FAM120B: variants seen among roughly 807,000 people sequenced by gnomAD.
FAM120B encodes the protein family with sequence similarity 120 member B.
FAM120B carries 83 observed loss-of-function variants against 96.3 expected under a neutral mutation model. The observed-to-expected ratio is 0.86, with a 90% CI of 0.72 to 1.03. The LOEUF (loss-of-function observed/expected upper bound fraction) is 1.03. Ranked by LOEUF, FAM120B falls within the 50% of genes least tolerant of loss-of-function variation. FAM120B has a pLI of 0.00. For missense variants in FAM120B, 1,027 were observed against 1,121.2 expected (o/e 0.92, Z 1.20); for synonymous variants, 407 against 402.7 (o/e 1.01, Z -0.13).
intron 2 of FAM120B, among the ~76,000 whole-genome samples, chr6:170,320,539 A>C (rs1785217612): frequency 6.6e-6 from 1 of 152,208 alleles, no homozygotes; most frequent in South Asian, 2.1e-4. Context: ...GTGGAGGTGA[A>C]GTTCCTCCTT....
chr6:170,383,379 C>G (rs1790023650), intron 6 of FAM120B, among the ~76,000 whole-genome samples: 1 of 152,180 alleles, frequency 6.6e-6, no homozygotes, highest in Admixed American at 6.5e-5. Flanking sequence ...AGACAACCTA[C>G]TGCCAGGGAG....
At chr6:170,351,895 A>T (rs1419371939) in intron 5 of FAM120B, among the ~76,000 whole-genome samples, 1 of 152,216 alleles carries the variant, frequency 6.6e-6, no homozygotes, top group East Asian at 1.9e-4. Context: ...CCTGCAAAAT[A>T]ACCAACTAGC....
chr6:170,363,157 T>C lies in FAM120B; in HGVS notation c.2283+4839T>C, dbSNP rs1443122302. ...TCCAGCCCGCTCTCCAGGTGGAGGC[T>C]CTGACTGTTAGGGAATTCTGGCTCC... On this transcript the variant is annotated intron_variant, in intron 6 of 10. Coordinates refer to ENST00000476287, the MANE Select transcript of FAM120B (RefSeq NM_032448.3). This position sits in a 1 kb window ranked among gnomAD's most constrained non-coding sequence, Gnocchi z 4.5. Among the ~76,000 whole-genome samples the C allele has an allele frequency of 6.6e-6, 1 of 152,138 alleles. No homozygotes were observed. The highest frequency in any genetic ancestry group is 6.5e-5 in the Admixed American group (1 of 15,274).
At chr6:170,379,875 G>T (rs374554372) in intron 6 of FAM120B, among the ~76,000 whole-genome samples, 2 of 152,144 alleles carry the variant, frequency 1.3e-5, no homozygotes, top group African/African-American at 2.4e-5. Flanking sequence ...AGCACCTAAA[G>T]TCTACCCTCT....
intron 4 of FAM120B, among the ~76,000 whole-genome samples, chr6:170,338,702 TC>T (rs1465312003): frequency 6.6e-6 from 1 of 152,214 alleles, no homozygotes; most frequent in Non-Finnish European, 1.5e-5. Context: ...ATCTGGGTGA[TC>T]CTGTATTGGG....
At chr6:170,385,908 A>G (rs1044809852) in intron 6 of FAM120B, among the ~76,000 whole-genome samples, 2 of 152,212 alleles carry the variant, frequency 1.3e-5, no homozygotes, top group African/African-American at 4.8e-5. Context: ...TTCCAGCTAT[A>G]GGAAGACTGG....
chr6:170,367,155 C>T (rs1156296728), intron 6 of FAM120B, among the ~76,000 whole-genome samples: 1 of 152,120 alleles, frequency 6.6e-6, no homozygotes, highest in Non-Finnish European at 1.5e-5. Flanking sequence ...AATTCTATGC[C>T]ATTGAATCTC....
At chr6:170,309,053 C>A (rs990673294) in intron 1 of FAM120B, among the ~76,000 whole-genome samples, 1 of 152,104 alleles carries the variant, frequency 6.6e-6, no homozygotes, top group African/African-American at 2.4e-5. Context: ...AAGGATAGTC[C>A]GCTTAATGGA....
At chr6:170,309,374 A>G (rs987202549) in intron 1 of FAM120B, among the ~76,000 whole-genome samples, 4 of 152,226 alleles carry the variant, frequency 2.6e-5, no homozygotes, top group African/African-American at 9.6e-5. Context: ...GACATCAGTG[A>G]TGTACAAAGA....
At chr6:170,380,438 A>G (rs889405362) in intron 6 of FAM120B, among the ~76,000 whole-genome samples, 4 of 152,206 alleles carry the variant, frequency 2.6e-5, no homozygotes, top group African/African-American at 9.6e-5. Context: ...ACTGTTTTCT[A>G]TAATGGCTGT....
At chr6:170,381,131 A>AG (rs1215895525) in intron 6 of FAM120B, among the ~76,000 whole-genome samples, 1 of 152,240 alleles carries the variant, frequency 6.6e-6, no homozygotes, top group African/African-American at 2.4e-5. Context: ...GCTTGGCATT[A>AG]GGAACCACTT....
chr6:170,398,019 G>A (rs1008512316), intron 9 of FAM120B, among the ~76,000 whole-genome samples: 2 of 152,232 alleles, frequency 1.3e-5, no homozygotes, highest in African/African-American at 4.8e-5. Flanking sequence ...TGGGCCTCAG[G>A]AAGGTGGAGA....
chr6:170,365,086 C>T (rs894340254), intron 6 of FAM120B, among the ~76,000 whole-genome samples: 6 of 152,262 alleles, frequency 3.9e-5, no homozygotes, highest in East Asian at 1.9e-4. Context: ...GCACGTACTC[C>T]TGCCGAAACC....
At chr6:170,290,706 A>T (rs1783843107), upstream of FAM120B, 1 of 333,484 alleles carries the variant, frequency 3.0e-6, no homozygotes, top group Non-Finnish European at 5.5e-6. This position sits in a 1 kb window ranked among gnomAD's most constrained non-coding sequence, Gnocchi z 4.7. Context: ...GCCCGGTGTC[A>T]CTCGGCGGCG....
At chr6:170,331,356 A>G (rs1046899158) in intron 4 of FAM120B, among the ~76,000 whole-genome samples, 3 of 152,222 alleles carry the variant, frequency 2.0e-5, no homozygotes, top group African/African-American at 4.8e-5. Context: ...ACTATTTTCC[A>G]TGACATGAAC....
intron 6 of FAM120B, among the ~76,000 whole-genome samples, chr6:170,382,693 A>G (rs970990744): frequency 1.3e-5 from 2 of 152,226 alleles, no homozygotes; most frequent in African/African-American, 2.4e-5. Flanking sequence ...ATGTACTGGA[A>G]GGCTCAGCAG....
At chr6:170,400,816 C>G (rs1267327375) in intron 9 of FAM120B, among the ~76,000 whole-genome samples, 2 of 152,210 alleles carry the variant, frequency 1.3e-5, no homozygotes, top group Admixed American at 6.5e-5. Context: ...AGGAACATCA[C>G]CAAAGCCTGC....
chr6:170,398,169 C>G (rs1206539239), intron 9 of FAM120B, among the ~76,000 whole-genome samples: 5 of 152,240 alleles, frequency 3.3e-5, no homozygotes, highest in Non-Finnish European at 7.3e-5. Context: ...GACTCATCGC[C>G]ACAGGCAACG....
At chr6:170,328,688 G>T (rs574453453) in intron 3 of FAM120B, among the ~76,000 whole-genome samples, 1 of 151,952 alleles carries the variant, frequency 6.6e-6, no homozygotes, top group Admixed American at 6.6e-5. Flanking sequence ...AGAAATGAGC[G>T]TTTTTTTAAA....
Sources: allele counts gnomAD v4.1 joint callset (sites outside exome capture counted in the v4.1 genomes callset), GRCh38; gene constraint gnomAD v4.1.1; non-coding constraint Gnocchi (gnomAD v3.1); transcripts MANE v1.5; gene names NCBI Gene and HGNC (gene_info 2026-07-23, HGNC 2026-07-21).